Variants in PRSS48 observed in about 807,000 individuals in gnomAD.
PRSS48 encodes the protein epidermis-specific serine protease-like protein.
PRSS48 carries 21 observed loss-of-function variants against 25.6 expected under a neutral mutation model. That is an observed-to-expected ratio of 0.82 (90% CI 0.58 to 1.18). The LOEUF (loss-of-function observed/expected upper bound fraction) is 1.18, where lower values mean the gene tolerates loss of function less well. PRSS48 is among the 50% of genes most tolerant of loss of function. The pLI is 0.00. For synonymous variants in PRSS48, 150 were observed against 149.3 expected (o/e 1.00, Z -0.04); for missense variants, 373 against 399.3 (o/e 0.93, Z 0.56).
intron 4 of PRSS48, among the ~76,000 whole-genome samples, chr4:151,286,184 GAAAAAAAAAA>G (rs56850648): frequency 3.5e-5 from 3 of 86,624 alleles, no homozygotes; most frequent in African/African-American, 1.4e-4. Context: ...CTGTCTTAAA[GAAAAAAAAAA>G]AAAAAAAAAA....
At chr4:151,279,023 A>G (rs1426314558) in intron 1 of PRSS48, 7 of 285,558 alleles carry the variant, frequency 2.5e-5, no homozygotes, top group African/African-American at 1.6e-4. Context: ...TACCAGCTAG[A>G]GCTCACACTT....
intron 1 of PRSS48, among the ~76,000 whole-genome samples, chr4:151,278,289 GAC>G (rs1359054041): frequency 6.6e-6 from 1 of 151,106 alleles, no homozygotes; most frequent in Admixed American, 6.6e-5. Context: ...TTTTTTAAGA[GAC>G]AGAGTCTCAC....
At chr4:151,277,372 G>C (rs769705190) in intron 1 of PRSS48, 148 bp downstream of exon 1, 5 of 478,468 alleles carry the variant, frequency 1.0e-5, no homozygotes, top group African/African-American at 2.0e-5. Context: ...TATATACCCA[G>C]CACCATTCCA....
intron 1 of PRSS48, among the ~76,000 whole-genome samples, chr4:151,277,630 G>C (rs9990721): frequency 0.35 from 52,334 of 151,618 alleles, 10,123 homozygotes; most frequent in Non-Finnish European, 0.46. Flanking sequence ...ACTAAATTAA[G>C]TAAGAGGATC....
At chr4:151,288,401 A>G (rs184785858) in intron 4 of PRSS48, among the ~76,000 whole-genome samples, 5 of 152,350 alleles carry the variant, frequency 3.3e-5, no homozygotes. Context: ...CCAAAAAATT[A>G]GAACTAATAA....
At chr4:151,286,982 A>AAT (rs1554067296) in intron 4 of PRSS48, among the ~76,000 whole-genome samples, 5 of 141,838 alleles carry the variant, frequency 3.5e-5, no homozygotes, top group East Asian at 2.1e-4. Context: ...TCTGTCTCAA[A>AAT]AATAATAATA....
intron 1 of PRSS48, 54 bp downstream of exon 1, chr4:151,277,278 G>C (rs1022239265): frequency 2.2e-6 from 3 of 1,376,634 alleles, no homozygotes; most frequent in Admixed American, 2.2e-5. Context: ...TTACTAAAGA[G>C]GGCATCACAT....
chr4:151,289,935 G>A (rs1046587871), intron 4 of PRSS48, among the ~76,000 whole-genome samples: 1 of 151,964 alleles, frequency 6.6e-6, no homozygotes, highest in Non-Finnish European at 1.5e-5. Flanking sequence ...AGAAAAAACC[G>A]GTACACAAGT....
chr4:151,277,174 T>A (rs780186394), exon 1 of PRSS48: 2 of 1,481,944 alleles, frequency 1.3e-6, no homozygotes, highest in Non-Finnish European at 1.8e-6. Context: ...GACAGAGACA[T>A]GGGCCCTGCT....
intron 4 of PRSS48, among the ~76,000 whole-genome samples, chr4:151,283,614 T>C (rs1580402708): frequency 6.6e-6 from 1 of 151,002 alleles, no homozygotes; most frequent in Admixed American, 6.6e-5. Flanking sequence ...AGCTCCTGGG[T>C]TCAATCAGTC....
chr4:151,289,049 T>C (rs750269641), intron 4 of PRSS48, among the ~76,000 whole-genome samples: 2 of 152,222 alleles, frequency 1.3e-5, no homozygotes, highest in Non-Finnish European at 2.9e-5. Flanking sequence ...TATAGATCAA[T>C]GAAATAGGAT....
chr4:151,284,992 C>T (rs960985868), intron 4 of PRSS48, among the ~76,000 whole-genome samples: 2 of 152,148 alleles, frequency 1.3e-5, no homozygotes, highest in Non-Finnish European at 2.9e-5. Context: ...TAAGGTAGCT[C>T]TGAACTCTAT....
chr4:151,277,297 G>A (rs986166897), intron 1 of PRSS48, 73 bp downstream of exon 1: 8 of 1,214,204 alleles, frequency 6.6e-6, no homozygotes, highest in South Asian at 6.2e-5. Flanking sequence ...ATAGAACAAT[G>A]TGACACTTCA....
intron 4 of PRSS48, 22 bp downstream of exon 4, chr4:151,283,308 T>G (rs758682356): frequency 2.9e-5 from 46 of 1,561,960 alleles, no homozygotes; most frequent in Non-Finnish European, 3.8e-5. Flanking sequence ...CTCTAGAGAA[T>G]TTTTTTTTAA....
chr4:151,287,360 A>AGAGGGAACACTTCCC (rs1285784198), intron 4 of PRSS48, among the ~76,000 whole-genome samples: 36 of 151,410 alleles, frequency 2.4e-4, no homozygotes, highest in African/African-American at 8.2e-4. Flanking sequence ...AAAAAAAAAA[A>AGAGGGAACACTTCCC]AGAGGGAACA....
exon 4 of PRSS48, chr4:151,283,282 G>GCAAGGT: frequency 6.2e-7 from 1 of 1,613,410 alleles, no homozygotes; most frequent in Non-Finnish European, 8.5e-7. Flanking sequence ...AAGGATAGTT[G>GCAAGGT]CAAGGTCAGG....
intron 4 of PRSS48, 121 bp from the exon 5 acceptor site, chr4:151,290,997 G>A: frequency 1.5e-6 from 1 of 676,268 alleles, no homozygotes; most frequent in Non-Finnish European, 2.5e-6. Context: ...CCAGCCCCCT[G>A]CAGGGTTCCA....
chr4:151,282,073 C>T (rs1774289141), intron 2 of PRSS48, 75 bp from the exon 3 acceptor site: 1 of 1,491,730 alleles, frequency 6.7e-7, no homozygotes, highest in South Asian at 1.2e-5. Context: ...TGAGTAGAGA[C>T]TTAGTGCTAC....
chr4:151,277,790 C>G (rs1052726026), intron 1 of PRSS48, among the ~76,000 whole-genome samples: 1 of 152,158 alleles, frequency 6.6e-6, no homozygotes, highest in Non-Finnish European at 1.5e-5. Context: ...CCTGTAATCC[C>G]AGCACTTTGG....
Sources: gnomAD v4.1 joint callset for allele counts (sites outside exome capture counted in the v4.1 genomes callset) on GRCh38, gnomAD v4.1.1 for gene constraint, MANE v1.5 for transcripts, NCBI Gene and HGNC (gene_info 2026-07-23, HGNC 2026-07-21) for gene names.